Variants in OBP2A observed in about 807,000 individuals in gnomAD.
OBP2A encodes odorant binding protein 2A, also known as odorant-binding protein 2a.
A neutral mutation model predicts 21.9 loss-of-function variants in OBP2A; 15 were observed. The ratio of observed to expected loss-of-function variants is 0.69; its 90% CI spans 0.46 to 1.06. OBP2A has a LOEUF of 1.06. Among genes scored for constraint, OBP2A ranks in the 50% least tolerant of loss-of-function variants. The probability of loss-of-function intolerance (pLI) is 0.00; values close to 1 mark genes in which losing one functional copy is unlikely to be tolerated. For synonymous variants in OBP2A, 86 were observed against 91.8 expected, an observed-to-expected ratio of 0.94 and a Z score of 0.36; for missense variants, 192 against 220.1, an observed-to-expected ratio of 0.87 and a Z score of 0.81.
chr9:135,549,494 G>A, intron 6 of OBP2A, 163 bp downstream of exon 6: 1 of 757,048 alleles, frequency 1.3e-6, no homozygotes, highest in East Asian at 2.7e-5. Flanking sequence ...CAAAATTCCT[G>A]GGACATTCGG....
At chr9:135,548,306 G>A (rs1043122230) in intron 4 of OBP2A, among the ~76,000 whole-genome samples, 20 of 152,138 alleles carry the variant, frequency 1.3e-4, no homozygotes, top group African/African-American at 2.7e-4. Context: ...TCTCCAGGGC[G>A]GCAGGGCAGC....
chr9:135,548,681 T>C (rs2590501), intron 4 of OBP2A, 27 bp from the exon 5 acceptor site: 708,490 of 1,610,696 alleles, frequency 0.44, 160,176 homozygotes, highest in East Asian at 0.67. Context: ...GTCCCCACCT[T>C]GGCTCACCTG....
chr9:135,548,062 C>G (rs1216358232), intron 4 of OBP2A, 81 bp downstream of exon 4: 7 of 999,936 alleles, frequency 7.0e-6, no homozygotes, highest in Non-Finnish European at 1.0e-5. Context: ...TCATCACGCC[C>G]TGGCACGGGG....
rs116395826 is a variant in OBP2A, at chr9:135,549,639, G to A, written c.*2-198G>A. ...TCGCCCCCTGCACCTGTCCCCACTC[G>A]GTCTACTCCCCCCCACCCACTCACC... On this transcript the variant is annotated intron_variant, in intron 6 of 6. Coordinates refer to ENST00000371776, the MANE Select transcript of OBP2A (RefSeq NM_014582.3). The A allele has an allele frequency of 2.9e-3, 1,684 of 587,174 alleles. 24 individuals carry two copies. Among genetic ancestry groups the A allele is most frequent in the African/African-American group, 0.027 (1,449 of 53,198 alleles). The allele number at this position is 587,174 out of a possible 1,614,324, so 36.4% of individuals were successfully genotyped here.
chr9:135,549,752 C>A, intron 6 of OBP2A, 85 bp from the exon 7 acceptor site: 1 of 890,038 alleles, frequency 1.1e-6, no homozygotes, highest in Non-Finnish European at 1.7e-6. Context: ...GATGTGGAAG[C>A]TGCAGAGCCT....
In OBP2A at chr9:135,548,782, G is replaced by A; in HGVS notation, c.463G>A (p.Glu155Lys). ...KLVQHKGLSEEDIFMPLQTGS... is the reference protein window; with the variant it reads ...KLVQHKGLSEKDIFMPLQTGS... ...GGTGCAGCACAAGGGACTCTCGGAG[G>A]AGGACATTTTCATGCCCCTGCAGAC... is the stretch of plus-strand genomic sequence containing the variant. The change falls in exon 5 of 7, where the codon GAG (glutamate) becomes AAG (lysine). Residue 155 changes from glutamate to lysine, a missense_variant. Glu to Lys is a moderately conservative substitution (Grantham distance 56). Transcript: ENST00000371776. 2 of 1,613,992 alleles carry A rather than the reference G, an allele frequency of 1.2e-6. No individual in the cohort carries two copies. The highest frequency in any genetic ancestry group is 1.7e-6 in the Non-Finnish European group (2 of 1,179,858).
chr9:135,546,918 G>A lies in OBP2A; in HGVS notation c.206+7G>A. The A allele has an allele frequency of 6.2e-7, 1 of 1,613,200 alleles. No homozygotes were observed. The highest frequency in any genetic ancestry group is 8.5e-7 in the Non-Finnish European group (1 of 1,179,432). On this transcript the variant is annotated splice_region_variant and intron_variant, in intron 2 of 6. Coordinates refer to ENST00000371776, the MANE Select transcript of OBP2A (RefSeq NM_014582.3). ...AAGCCACGTTCACCTTCATGTGAGT[G>A]TTGCCCACTGCAGGGCCCCTCAGGC...
In OBP2A at chr9:135,547,923, C is replaced by A. The variant is rs372558961; in HGVS notation, c.330C>A (p.Tyr110Ter). 3.7e-6 allele frequency: 6 copies of A among 1,613,384 alleles called. No homozygotes were observed. In the Admixed American group the frequency reaches 6.7e-5, roughly 18 times the overall value. Residue 110 changes from tyrosine to a stop codon, truncating the protein, a stop_gained, in exon 4 of 7, where the codon TAC becomes TAA. Coordinates refer to ENST00000371776, the MANE Select transcript of OBP2A (RefSeq NM_014582.3). LOFTEE classifies it high-confidence loss of function. ...AGGAGCTGCCCGGGACGGACGACTA[C>A]GTCTTTTACTGCAAAGACCAGCGCC... is the stretch of plus-strand genomic sequence containing the variant. ...YLQELPGTDD[Y>*]VFYCKDQRRG...
chr9:135,546,933 G>T (rs1588162329), intron 2 of OBP2A, 22 bp downstream of exon 2: 1 of 1,610,552 alleles, frequency 6.2e-7, no homozygotes, highest in Non-Finnish European at 8.5e-7. Context: ...CCACTGCAGG[G>T]CCCCTCAGGC....
intron 3 of OBP2A, 70 bp downstream of exon 3, chr9:135,547,318 A>G: frequency 6.5e-7 from 1 of 1,527,432 alleles, no homozygotes; most frequent in Non-Finnish European, 9.0e-7. Context: ...GCAGGTGGAG[A>G]GTGCCCAGGC....
At chr9:135,548,615 A>G (rs779237420) in intron 4 of OBP2A, 93 bp from the exon 5 acceptor site, 159 of 1,578,070 alleles carry the variant, frequency 1.0e-4, no homozygotes, top group African/African-American at 8.4e-4. Context: ...CCCCGTCCTG[A>G]TGCTGGGCCG....
intron 2 of OBP2A, 55 bp downstream of exon 2, chr9:135,546,966 C>G (rs552341376): frequency 6.2e-7 from 1 of 1,604,270 alleles, no homozygotes; most frequent in South Asian, 1.1e-5. Context: ...CCGCCCCAGA[C>G]CCACCTGGTG....
Position 135,546,221 on chromosome 9 carries a change from C to A in OBP2A, c.41C>A (p.Ala14Asp), listed in dbSNP as rs1474575748. The change falls in exon 1 of 7, where the codon GCT becomes GAT. Residue 14 changes from alanine (A) to aspartate (D), a missense_variant. Ala to Asp is a moderately radical substitution (Grantham distance 126). Transcript: ENST00000371776. Reference protein sequence around the residue: ...LFLGVTLGLAAALSFTLEEED... With the variant: ...LFLGVTLGLADALSFTLEEED... ...CTGGGTGTCACGCTCGGCCTGGCCG[C>A]TGCCCTGTCCTTCACCCTGGAGGAG... is the stretch of plus-strand genomic sequence containing the variant. 1.3e-6 allele frequency: 2 copies of A among 1,517,196 alleles called. No individual in the cohort carries two copies. The highest frequency in any genetic ancestry group is 1.2e-5 in the South Asian group (1 of 84,036). 94.0% of individuals were successfully genotyped at this position (1,517,196 alleles called of 1,614,324 possible). A position where few individuals can be genotyped will look rare whatever the true frequency, so the allele number is the denominator to read the frequency against.
intron 3 of OBP2A, 69 bp from the exon 4 acceptor site, chr9:135,547,802 T>C (rs1831982445): frequency 1.6e-6 from 2 of 1,213,752 alleles, no homozygotes; most frequent in Non-Finnish European, 2.3e-6. Context: ...TGAGTGTTTC[T>C]TCGTGTGGTC....
At chr9:135,547,338 G>A (rs1831968138) in intron 3 of OBP2A, 90 bp downstream of exon 3, 3 of 1,395,216 alleles carry the variant, frequency 2.2e-6, no homozygotes, top group Non-Finnish European at 3.0e-6. Flanking sequence ...CCACACTTCT[G>A]CCAGGGTCCC....
In OBP2A at chr9:135,548,803, C is replaced by A; in HGVS notation, c.484C>A (p.Gln162Lys). Residue 162 changes from glutamine (Q) to lysine (K), a missense_variant, in exon 5 of 7, where the codon CAG becomes AAG. Transcript: ENST00000371776. ...LSEEDIFMPLQTGSCVLEH is the reference protein window; with the variant it reads ...LSEEDIFMPLKTGSCVLEH ...GGAGGAGGACATTTTCATGCCCCTGCAGACGGGTGAGGACGGCTGTGCCCA... is the reference window on the plus strand; with the variant it reads ...GGAGGAGGACATTTTCATGCCCCTGAAGACGGGTGAGGACGGCTGTGCCCA... 2 of 1,613,744 alleles carry A rather than the reference C, an allele frequency of 1.2e-6. No individual in the cohort carries two copies. The highest frequency in any genetic ancestry group is 1.7e-6 in the Non-Finnish European group (2 of 1,179,628).
intron 5 of OBP2A, 101 bp downstream of exon 5, chr9:135,548,910 G>A (rs3827841): frequency 0.71 from 887,582 of 1,255,932 alleles, 318,751 homozygotes; most frequent in East Asian, 0.88. Context: ...CGCATTCCCC[G>A]TGTGCCCCGA....
At chr9:135,549,053 G>A (rs1311852880) in intron 5 of OBP2A, among the ~76,000 whole-genome samples, 3 of 108,790 alleles carry the variant, frequency 2.8e-5, no homozygotes, top group Non-Finnish European at 5.6e-5. Flanking sequence ...TCTGGGCTGC[G>A]ATGGGGTCTG....
At position 135,548,723 on chromosome 9, in the gene OBP2A, C is replaced by T. The variant is rs760218406; in HGVS notation, c.404C>T (p.Thr135Ile). The T allele has an allele frequency of 1.7e-5, 27 of 1,614,010 alleles. No individual in the cohort carries two copies. In the South Asian group the frequency reaches 1.8e-4, roughly 11 times the overall value. Residue 135 changes from threonine to isoleucine, a missense_variant, in exon 5 of 7, where the codon ACC becomes ATC. Thr to Ile is a moderately conservative substitution (Grantham distance 89). Coordinates refer to ENST00000371776, the MANE Select transcript of OBP2A (RefSeq NM_014582.3). The stretch of plus-strand genomic sequence containing the variant: ...TCACCTGCAGGTAGGAATCCTAATA[C>T]CAACCTGGAGGCCCTGGAAGAATTT... ...MGKLVGRNPN[T>I]NLEALEEFKK...
Sources: gnomAD v4.1 joint callset for allele counts (sites outside exome capture counted in the v4.1 genomes callset) on GRCh38, gnomAD v4.1.1 for gene constraint, MANE v1.5 for transcripts, NCBI Gene and HGNC (gene_info 2026-07-23, HGNC 2026-07-21) for gene names.